The following PVT1 variants were observed in gnomAD, a reference collection of about 807,000 sequenced individuals.
The protein encoded by PVT1 is CXCR4/PVT1 fusion.
chr8:127,873,519 G>GT (rs1201287302), intron 2 of PVT1, among the ~76,000 whole-genome samples: 2 of 152,106 alleles, frequency 1.3e-5, no homozygotes, highest in South Asian at 2.1e-4. Flanking sequence ...TCTATTTCAT[G>GT]TTTTTTTGTG....
At chr8:127,977,596 A>G (rs909416577) in intron 3 of PVT1, among the ~76,000 whole-genome samples, 2 of 152,050 alleles carry the variant, frequency 1.3e-5, no homozygotes, top group Non-Finnish European at 2.9e-5. Context: ...TTAGCCTGGC[A>G]TGGTGGCACA....
At chr8:127,858,396 G>A (rs186703309) in intron 2 of PVT1, among the ~76,000 whole-genome samples, 1,990 of 148,656 alleles carry the variant, frequency 0.013, 49 homozygotes, top group African/African-American at 0.047. Flanking sequence ...GACAGAGTGA[G>A]ACTCTGTCTC....
At chr8:127,988,399 C>T (rs969201991) in intron 3 of PVT1, among the ~76,000 whole-genome samples, 4 of 152,170 alleles carry the variant, frequency 2.6e-5, no homozygotes, top group Admixed American at 6.5e-5. Flanking sequence ...CACACCGGAG[C>T]ATCACAGTTC....
chr8:127,829,113 T>C (rs1814822715), intron 2 of PVT1, among the ~76,000 whole-genome samples: 3 of 152,078 alleles, frequency 2.0e-5, no homozygotes, highest in Non-Finnish European at 4.4e-5. Flanking sequence ...CTGTTTCTAC[T>C]AAAAATACAA....
intron 3 of PVT1, among the ~76,000 whole-genome samples, chr8:127,936,034 C>CTTTT (rs937905808): frequency 1.8e-4 from 18 of 101,248 alleles, no homozygotes; most frequent in African/African-American, 7.6e-4. Flanking sequence ...CTCTCTCTCT[C>CTTTT]TTTTTTTTTT....
chr8:128,010,020 G>T (rs1817294808), intron 4 of PVT1, among the ~76,000 whole-genome samples: 1 of 152,076 alleles, frequency 6.6e-6, no homozygotes, highest in Non-Finnish European at 1.5e-5. Context: ...AGATTGACAA[G>T]AACCTAAAAT....
At chr8:127,947,023 A>G (rs1343031308) in intron 3 of PVT1, 1 of 152,264 alleles carries the variant, frequency 6.6e-6, no homozygotes, top group Non-Finnish European at 1.5e-5. Context: ...TTTTCATAAT[A>G]CCTGTGTACA....
At chr8:128,096,872 C>T (rs1814435613) in intron 6 of PVT1, among the ~76,000 whole-genome samples, 2 of 152,210 alleles carry the variant, frequency 1.3e-5, no homozygotes, top group East Asian at 3.8e-4. Flanking sequence ...ATGATGGCAG[C>T]AGATGGGCCC....
intron 3 of PVT1, among the ~76,000 whole-genome samples, chr8:127,984,498 C>T (rs2129985482): frequency 6.6e-6 from 1 of 152,340 alleles, no homozygotes; most frequent in South Asian, 2.1e-4. Flanking sequence ...CTGAGAATAA[C>T]AAAGTGTTTA....
intron 4 of PVT1, among the ~76,000 whole-genome samples, chr8:128,036,378 T>A (rs945543069): frequency 6.6e-6 from 1 of 152,226 alleles, no homozygotes; most frequent in African/African-American, 2.4e-5. Flanking sequence ...TTACCTCTTG[T>A]ACCTCGTCAT....
chr8:128,041,170 A>G (rs1563673063), intron 4 of PVT1, among the ~76,000 whole-genome samples: 1 of 133,738 alleles, frequency 7.5e-6, no homozygotes, highest in Admixed American at 7.5e-5. Context: ...GTGTTTCTGC[A>G]TGTGTTTGTG....
intron 4 of PVT1, among the ~76,000 whole-genome samples, chr8:128,031,362 A>G (rs1007510714): frequency 6.6e-6 from 1 of 152,218 alleles, no homozygotes; most frequent in African/African-American, 2.4e-5. Flanking sequence ...ATAAAGTGAA[A>G]GCGACCCAGG....
intron 3 of PVT1, among the ~76,000 whole-genome samples, chr8:127,982,301 C>CTCCAG (rs1816890697): frequency 6.6e-6 from 1 of 152,140 alleles, no homozygotes; most frequent in South Asian, 2.1e-4. Flanking sequence ...GTGATCAAAT[C>CTCCAG]TAAACACTCT....
intron 3 of PVT1, among the ~76,000 whole-genome samples, chr8:127,976,184 A>G (rs1195298895): frequency 1.3e-5 from 2 of 152,208 alleles, no homozygotes; most frequent in African/African-American, 4.8e-5. Flanking sequence ...TCAGAGTTAA[A>G]AGAAACCTCA....
At chr8:127,947,035 G>A (rs903857353) in intron 3 of PVT1, 2 of 152,396 alleles carry the variant, frequency 1.3e-5, no homozygotes, top group Admixed American at 1.3e-4. Context: ...CTGTGTACAA[G>A]TTAAACCCGT....
intron 5 of PVT1, among the ~76,000 whole-genome samples, chr8:128,083,185 T>G (rs1814210673): frequency 6.6e-6 from 1 of 152,212 alleles, no homozygotes; most frequent in Admixed American, 6.5e-5. Flanking sequence ...TATTGACTGT[T>G]GAATAAAGGA....
At chr8:127,902,949 C>A (rs1815776999) in intron 3 of PVT1, among the ~76,000 whole-genome samples, 1 of 152,114 alleles carries the variant, frequency 6.6e-6, no homozygotes, top group Non-Finnish European at 1.5e-5. Flanking sequence ...TGAGTATACA[C>A]CCAGGTATGA....
At chr8:128,072,222 A>G (rs1814007056) in intron 5 of PVT1, among the ~76,000 whole-genome samples, 1 of 152,172 alleles carries the variant, frequency 6.6e-6, no homozygotes, top group Admixed American at 6.5e-5. Context: ...ATCAATTTTC[A>G]GGTGAAGACT....
At chr8:128,000,943 A>G (rs1817170397) in intron 4 of PVT1, among the ~76,000 whole-genome samples, 1 of 152,108 alleles carries the variant, frequency 6.6e-6, no homozygotes. Flanking sequence ...TGCCTTTTCC[A>G]TGTTCAATAC....
Sources: allele counts gnomAD v4.1 joint callset (sites outside exome capture counted in the v4.1 genomes callset), GRCh38; gene constraint gnomAD v4.1.1; transcripts MANE v1.5; gene names NCBI Gene and HGNC (gene_info 2026-07-23, HGNC 2026-07-21).